The following MAP3K13 variants were observed in gnomAD, a reference collection of about 807,000 sequenced individuals.
MAP3K13 encodes the protein leucine zipper-bearing kinase.
Under a neutral mutation model 104.0 loss-of-function variants are expected in MAP3K13, and 52 were observed. The ratio of observed to expected loss-of-function variants is 0.50; its 90% CI spans 0.40 to 0.63. MAP3K13 has a LOEUF of 0.63. Ranked by LOEUF, MAP3K13 falls within the 20% of genes least tolerant of loss-of-function variation. The pLI is 0.00. For synonymous variants in MAP3K13, 394 were observed against 442.2 expected (o/e 0.89, Z 1.37); for missense variants, 914 against 1,218.5 (o/e 0.75, Z 3.72).
intron 10 of MAP3K13, among the ~76,000 whole-genome samples, chr3:185,470,055 G>T (rs1410081467): frequency 6.6e-6 from 1 of 152,154 alleles, no homozygotes; most frequent in African/African-American, 2.4e-5. Context: ...GACAAGGAGG[G>T]GGAACCTGGG....
At chr3:185,356,728 G>T (rs917485716) in intron 2 of MAP3K13, among the ~76,000 whole-genome samples, 4 of 152,154 alleles carry the variant, frequency 2.6e-5, no homozygotes, top group Admixed American at 1.3e-4. Context: ...CCAGGGAGTT[G>T]AGTTGGCCAT....
chr3:185,454,767 C>T (rs182972759), intron 7 of MAP3K13, among the ~76,000 whole-genome samples: 3 of 70,692 alleles, frequency 4.2e-5, no homozygotes, highest in African/African-American at 1.1e-4. Context: ...ATATATATGA[C>T]ATATATATGA....
At chr3:185,364,112 A>G (rs917654502) in intron 1 of MAP3K13, among the ~76,000 whole-genome samples, 13 of 152,258 alleles carry the variant, frequency 8.5e-5, no homozygotes, top group African/African-American at 3.1e-4. Context: ...AATGCACATG[A>G]GTGTTTTCCT....
intron 1 of MAP3K13, among the ~76,000 whole-genome samples, chr3:185,406,765 T>C (rs1713135521): frequency 6.6e-6 from 1 of 152,220 alleles, no homozygotes; most frequent in African/African-American, 2.4e-5. Flanking sequence ...TATTTAATAA[T>C]GACTTATTTT....
Position 185,482,630 on chromosome 3 carries a change from C to A in MAP3K13, c.*174C>A. The A allele has an allele frequency of 1.9e-6, 1 of 528,730 alleles. No individual in the cohort carries two copies. Among genetic ancestry groups the A allele is most frequent in the Non-Finnish European group, 3.4e-6 (1 of 298,222 alleles). 32.8% of individuals were successfully genotyped at this position (528,730 alleles called of 1,614,324 possible). A position where few individuals can be genotyped will look rare whatever the true frequency, so the allele number is the denominator to read the frequency against. On this transcript the variant is annotated 3_prime_UTR_variant, in exon 14 of 14. Transcript: ENST00000265026. This position sits in a 1 kb window ranked among gnomAD's most constrained non-coding sequence, Gnocchi z 4.5. ...CAGGAACATGAGACTTCGCAAATCT[C>A]TGGAAAATAATATCCAAATGAAATT...
chr3:185,365,517 C>T (rs1482034178), intron 1 of MAP3K13, among the ~76,000 whole-genome samples: 1 of 152,142 alleles, frequency 6.6e-6, no homozygotes, highest in Admixed American at 6.6e-5. Context: ...TGTGCCTATC[C>T]TCTTTCTGTG....
intron 11 of MAP3K13, among the ~76,000 whole-genome samples, chr3:185,475,401 G>A (rs1718063315): frequency 6.6e-6 from 1 of 152,192 alleles, no homozygotes; most frequent in African/African-American, 2.4e-5. Context: ...GAATTTAGCT[G>A]AAGGAATGAA....
chr3:185,383,902 G>A (rs1019786919), intron 1 of MAP3K13, among the ~76,000 whole-genome samples: 33 of 152,104 alleles, frequency 2.2e-4, no homozygotes, highest in Admixed American at 1.4e-3. Flanking sequence ...TCGTATCAGG[G>A]TATTTAGGAT....
At chr3:185,329,312 C>T (rs1722161197) in intron 2 of MAP3K13, 2 of 696,910 alleles carry the variant, frequency 2.9e-6, no homozygotes, top group Admixed American at 4.1e-5. Flanking sequence ...TCCTCATGTT[C>T]TTTCCAGTTG....
At chr3:185,362,318 C>T (rs1723660878), upstream of MAP3K13, among the ~76,000 whole-genome samples, 1 of 152,226 alleles carries the variant, frequency 6.6e-6, no homozygotes, top group East Asian at 1.9e-4. Flanking sequence ...GAAAGAGATG[C>T]CTCTTGAGTG....
Position 185,299,793 on chromosome 3 carries a change from C to T in MAP3K13, c.-86+14150C>T, listed in dbSNP as rs1392438906. 3.0e-4 allele frequency among the ~76,000 whole-genome samples: 3 copies of T among 10,030 alleles called. 1 individual carries two copies. Among genetic ancestry groups the T allele is most frequent in the African/African-American group, 5.4e-4 (3 of 5,512 alleles). The allele number at this position is 10,030 out of a possible 152,430, so 6.6% of individuals were successfully genotyped here. ...TTGTTAGCCAGGATGGTCTCGATCT[C>T]CTGACCTCATGATCCACCCGCCTCG... On this transcript the variant is annotated intron_variant, in intron 2 of 14. Coordinates refer to the MAP3K13 transcript ENST00000424227.
At chr3:185,338,733 A>C (rs1002795156) in intron 2 of MAP3K13, among the ~76,000 whole-genome samples, 1 of 151,886 alleles carries the variant, frequency 6.6e-6, no homozygotes, top group African/African-American at 2.4e-5. Context: ...CCATTTGTTC[A>C]TGCTCCCCTT....
In MAP3K13 at chr3:185,426,080, C is replaced by T. The variant is rs116300476; in HGVS notation, c.-85-2417C>T. Among the ~76,000 whole-genome samples, 304 of 151,138 alleles carry T rather than the reference C, an allele frequency of 2.0e-3. 1 individual carries two copies. Among genetic ancestry groups the T allele is most frequent in the Middle Eastern group, 3.4e-3 (1 of 294 alleles). On this transcript the variant is annotated intron_variant, in intron 1 of 13. Transcript: ENST00000265026. ...CTCTCCCTCTCCCTCTCCCTCTTCT[C>T]CTTCTTCTTCTTCTTCTTCTGATGG...
chr3:185,354,639 T>G (rs1396136006), intron 2 of MAP3K13, among the ~76,000 whole-genome samples: 1 of 151,596 alleles, frequency 6.6e-6, no homozygotes, highest in Non-Finnish European at 1.5e-5. Flanking sequence ...AATGTGTTGC[T>G]GTGTGTAGGA....
intron 1 of MAP3K13, among the ~76,000 whole-genome samples, chr3:185,403,400 CATAATGTACATACTT>C (rs1712925808): frequency 6.6e-6 from 1 of 152,170 alleles, no homozygotes. Flanking sequence ...TAAGGCACAA[CATAATGTACATACTT>C]ATTAATTGGT....
intron 1 of MAP3K13, chr3:185,417,992 A>G (rs1577532887): frequency 2.5e-6 from 4 of 1,610,930 alleles, no homozygotes; most frequent in South Asian, 2.2e-5. Flanking sequence ...GTGCCATACA[A>G]TTCATCTAAC....
At chr3:185,377,421 A>G (rs927203369) in intron 1 of MAP3K13, among the ~76,000 whole-genome samples, 7 of 152,038 alleles carry the variant, frequency 4.6e-5, no homozygotes, top group African/African-American at 1.4e-4. Context: ...GAGGATGTGA[A>G]GGAGGCTTTG....
Position 185,488,965 on chromosome 3 carries a change from T to G in MAP3K13, c.*6509T>G, listed in dbSNP as rs1164309454. The G allele has an allele frequency of 6.6e-6, 1 of 152,262 alleles. No individual in the cohort carries two copies. The highest frequency in any genetic ancestry group is 1.5e-5 in the Non-Finnish European group (1 of 68,076). The allele number at this position is 152,262 out of a possible 1,614,324, so 9.4% of individuals were successfully genotyped here. On this transcript the variant is annotated 3_prime_UTR_variant, in exon 14 of 14. Coordinates refer to ENST00000265026, the MANE Select transcript of MAP3K13 (RefSeq NM_004721.5). The stretch of plus-strand genomic sequence containing the variant: ...CTTACCTGGCTCCCCTCTGGTCTCC[T>G]GTACTGTCAGTCCCCAGCTCCCAGT...
At chr3:185,324,050 G>A (rs138078973) in intron 2 of MAP3K13, among the ~76,000 whole-genome samples, 7 of 151,752 alleles carry the variant, frequency 4.6e-5, no homozygotes, top group South Asian at 2.1e-4. Flanking sequence ...TTGCTCTGTC[G>A]CCCAGGCTAG....
Sources: gnomAD v4.1 joint callset for allele counts (sites outside exome capture counted in the v4.1 genomes callset) on GRCh38, gnomAD v4.1.1 for gene constraint, Gnocchi (gnomAD v3.1) non-coding constraint, MANE v1.5 for transcripts, NCBI Gene and HGNC (gene_info 2026-07-23, HGNC 2026-07-21) for gene names.